The following UNC5D variants were observed in gnomAD, a reference collection of about 807,000 sequenced individuals.
UNC5D encodes unc-5 netrin receptor D.
UNC5D carries 39 observed loss-of-function variants against 105.4 expected under a neutral mutation model. That is an observed-to-expected ratio of 0.37 (90% CI 0.29 to 0.48). UNC5D has a LOEUF of 0.48. Ranked by LOEUF, UNC5D falls within the 20% of genes least tolerant of loss-of-function variation. The probability of loss-of-function intolerance (pLI) is 0.98; values close to 1 mark genes in which losing one functional copy is unlikely to be tolerated. For missense variants in UNC5D, 991 were observed against 1,202.4 expected (o/e 0.82, Z 2.60); for synonymous variants, 452 against 450.4 (o/e 1.00, Z -0.04).
At chr8:35,614,322 T>A (rs1033394260) in intron 4 of UNC5D, among the ~76,000 whole-genome samples, 1 of 152,156 alleles carries the variant, frequency 6.6e-6, no homozygotes, top group African/African-American at 2.4e-5. Flanking sequence ...GACTATGAAA[T>A]GAGGATTTTA....
intron 1 of UNC5D, among the ~76,000 whole-genome samples, chr8:35,403,672 G>T (rs995743008): frequency 2.0e-5 from 3 of 152,150 alleles, no homozygotes; most frequent in African/African-American, 4.8e-5. Flanking sequence ...TCAGATTTGG[G>T]AGCATTTTGG....
At chr8:35,540,420 T>TTA (rs1308352464) in intron 1 of UNC5D, among the ~76,000 whole-genome samples, 7 of 151,128 alleles carry the variant, frequency 4.6e-5, no homozygotes, top group African/African-American at 1.7e-4. Flanking sequence ...ATGAAGCCCT[T>TTA]TATATTCTTT....
At chr8:35,303,466 GT>G (rs2128872353) in intron 1 of UNC5D, among the ~76,000 whole-genome samples, 1 of 152,270 alleles carries the variant, frequency 6.6e-6, no homozygotes, top group East Asian at 1.9e-4. Context: ...AACAGTGTAG[GT>G]TTAGATAATT....
At chr8:35,279,167 G>A (rs2128846871) in intron 1 of UNC5D, among the ~76,000 whole-genome samples, 1 of 152,288 alleles carries the variant, frequency 6.6e-6, no homozygotes, top group Non-Finnish European at 1.5e-5. Flanking sequence ...GAATTCTAAT[G>A]ATGCTGTGTA....
At chr8:35,344,339 A>G (rs1414936839) in intron 1 of UNC5D, among the ~76,000 whole-genome samples, 1 of 152,020 alleles carries the variant, frequency 6.6e-6, no homozygotes, top group Non-Finnish European at 1.5e-5. Flanking sequence ...TTGGCAGTAC[A>G]ATTCCATGAT....
chr8:35,498,375 A>G (rs1277049769), intron 1 of UNC5D, among the ~76,000 whole-genome samples: 1 of 152,074 alleles, frequency 6.6e-6, no homozygotes, highest in African/African-American at 2.4e-5. Flanking sequence ...TGAAGAAGAG[A>G]GATATGTGCA....
At chr8:35,334,916 C>A (rs1438008737) in intron 1 of UNC5D, among the ~76,000 whole-genome samples, 1 of 152,188 alleles carries the variant, frequency 6.6e-6, no homozygotes, top group Non-Finnish European at 1.5e-5. Context: ...ACGCCTCACC[C>A]CAGAACTTTC....
intron 1 of UNC5D, among the ~76,000 whole-genome samples, chr8:35,322,180 A>G (rs937706288): frequency 5.9e-5 from 9 of 152,158 alleles, no homozygotes; most frequent in African/African-American, 2.2e-4. Flanking sequence ...AGGTAGTCTT[A>G]TTGAAAGGGA....
chr8:35,463,257 A>G (rs1809031625), intron 1 of UNC5D, among the ~76,000 whole-genome samples: 1 of 152,194 alleles, frequency 6.6e-6, no homozygotes, highest in South Asian at 2.1e-4. Context: ...TAGCTATCAG[A>G]CTTTTGAAAA....
chr8:35,569,738 A>T (rs1041493415), intron 3 of UNC5D, among the ~76,000 whole-genome samples: 1 of 152,198 alleles, frequency 6.6e-6, no homozygotes, highest in Non-Finnish European at 1.5e-5. Context: ...TCTTAAGTTC[A>T]TGTCTGTGCT....
intron 1 of UNC5D, among the ~76,000 whole-genome samples, chr8:35,410,054 T>C (rs1353800613): frequency 6.6e-6 from 1 of 151,760 alleles, no homozygotes; most frequent in Non-Finnish European, 1.5e-5. Context: ...TGAACAGTAA[T>C]GAATTTTCCA....
At chr8:35,619,923 T>G (rs1282423465) in intron 4 of UNC5D, among the ~76,000 whole-genome samples, 1 of 151,586 alleles carries the variant, frequency 6.6e-6, no homozygotes. Context: ...TGCTTTGTAT[T>G]CCTGATGTAG....
At chr8:35,719,010 C>T (rs774801207) in intron 8 of UNC5D, among the ~76,000 whole-genome samples, 5 of 152,192 alleles carry the variant, frequency 3.3e-5, no homozygotes, top group South Asian at 2.1e-4. Flanking sequence ...CTGCACCTTG[C>T]GGTCCTGTGG....
At chr8:35,713,147 C>A (rs59087360) in intron 8 of UNC5D, among the ~76,000 whole-genome samples, 2 of 151,848 alleles carry the variant, frequency 1.3e-5, no homozygotes, top group South Asian at 4.1e-4. Context: ...TGACTTTGCC[C>A]TTAATGGACA....
At chr8:35,555,032 G>A (rs372260618) in intron 2 of UNC5D, among the ~76,000 whole-genome samples, 269 of 152,282 alleles carry the variant, frequency 1.8e-3, no homozygotes, top group African/African-American at 6.2e-3. Context: ...ATGGGGATTT[G>A]AATATAGTAT....
At chr8:35,606,092 A>C (rs1820275065) in intron 4 of UNC5D, among the ~76,000 whole-genome samples, 1 of 151,276 alleles carries the variant, frequency 6.6e-6, no homozygotes, top group Non-Finnish European at 1.5e-5. Context: ...GGTTCAAATG[A>C]TTCTCCTGGC....
intron 1 of UNC5D, among the ~76,000 whole-genome samples, chr8:35,449,718 C>T (rs1278995139): frequency 1.3e-5 from 2 of 152,098 alleles, no homozygotes; most frequent in South Asian, 2.1e-4. Flanking sequence ...ATGAGATCAT[C>T]GTACTCTTTC....
At chr8:35,684,835 C>T in intron 6 of UNC5D, 86 bp downstream of exon 6, 1 of 1,449,004 alleles carries the variant, frequency 6.9e-7, no homozygotes, top group South Asian at 1.6e-5. Context: ...CCTTCTTTTC[C>T]AAAGTTACCC....
intron 16 of UNC5D, among the ~76,000 whole-genome samples, chr8:35,789,170 T>TATAC (rs1802904318): frequency 1.0e-5 from 1 of 96,606 alleles, no homozygotes; most frequent in South Asian, 3.3e-4. Flanking sequence ...TATATATATA[T>TATAC]ATATATATAT....
Sources: allele counts gnomAD v4.1 joint callset (sites outside exome capture counted in the v4.1 genomes callset), GRCh38; gene constraint gnomAD v4.1.1; transcripts MANE v1.5; gene names NCBI Gene and HGNC (gene_info 2026-07-23, HGNC 2026-07-21).